Variants in CCDC191 observed in about 807,000 individuals in gnomAD.
CCDC191 encodes coiled-coil domain-containing protein 191.
In CCDC191, 99 loss-of-function variants were observed where a neutral mutation model predicts 114.0. That is an observed-to-expected ratio of 0.87 (90% CI 0.74 to 1.03). CCDC191 has a LOEUF of 1.03. Among genes scored for constraint, CCDC191 ranks in the 50% least tolerant of loss-of-function variants. The probability of loss-of-function intolerance (pLI) is 0.00; values close to 1 mark genes in which losing one functional copy is unlikely to be tolerated. For missense variants in CCDC191, 973 were observed against 1,087.0 expected (o/e 0.90, Z 1.47); for synonymous variants, 351 against 376.0 (o/e 0.93, Z 0.77).
chr3:114,004,924 G>A lies in CCDC191; in HGVS notation c.1869-178C>T, dbSNP rs1406891836. Among the ~76,000 whole-genome samples, 4 of 151,936 alleles carry A rather than the reference G, an allele frequency of 2.6e-5. No individual in the cohort carries two copies. In the East Asian group the frequency reaches 5.8e-4, roughly 22 times the overall value. ...TGAGGTATGGAAAGGTTGTGTGATC[G>A]GCATGAGTCTACACAGTGAGTCAGG... On this transcript the variant is annotated intron_variant, in intron 10 of 16. Coordinates refer to ENST00000295878, the MANE Select transcript of CCDC191 (RefSeq NM_020817.2).
intron 9 of CCDC191, among the ~76,000 whole-genome samples, chr3:114,006,616 AT>A (rs56051694): frequency 0.037 from 4,594 of 124,624 alleles, 127 homozygotes; most frequent in Admixed American, 0.05. Context: ...ATATATATAT[AT>A]AAATATATAT....
At chr3:114,004,056 G>C in intron 11 of CCDC191, 9 of 959,598 alleles carry the variant, frequency 9.4e-6, no homozygotes, top group Non-Finnish European at 1.1e-5. Flanking sequence ...ACTCCTTGAG[G>C]CCAGGAGTTT....
At chr3:114,015,602 C>G (rs976172759) in intron 8 of CCDC191, among the ~76,000 whole-genome samples, 1 of 152,014 alleles carries the variant, frequency 6.6e-6, no homozygotes, top group Admixed American at 6.6e-5. Flanking sequence ...AACCAACTTT[C>G]AAAAATGAAC....
At chr3:114,028,483 C>T (rs1453723973) in intron 7 of CCDC191, among the ~76,000 whole-genome samples, 1 of 151,836 alleles carries the variant, frequency 6.6e-6, no homozygotes, top group Non-Finnish European at 1.5e-5. Context: ...GATGGGGTTT[C>T]ACCGTGTTAG....
At chr3:113,994,864 G>C (rs1446040367) in intron 13 of CCDC191, among the ~76,000 whole-genome samples, 2 of 152,064 alleles carry the variant, frequency 1.3e-5, no homozygotes, top group Non-Finnish European at 2.9e-5. Flanking sequence ...TTACAGGTGT[G>C]AACACCTGAC....
At chr3:114,051,411 T>C (rs2076696639) in intron 2 of CCDC191, among the ~76,000 whole-genome samples, 1 of 152,194 alleles carries the variant, frequency 6.6e-6, no homozygotes, top group African/African-American at 2.4e-5. Flanking sequence ...TGGATCAATC[T>C]GATCTACCTA....
At chr3:113,997,748 G>A (rs62267062) in intron 13 of CCDC191, among the ~76,000 whole-genome samples, 10,683 of 152,114 alleles carry the variant, frequency 0.07, 419 homozygotes, top group Middle Eastern at 0.11. Flanking sequence ...AATGATGTTT[G>A]GGTCAATGAA....
chr3:113,995,628 T>C (rs1174922406), intron 13 of CCDC191, among the ~76,000 whole-genome samples: 2 of 152,234 alleles, frequency 1.3e-5, no homozygotes, highest in Non-Finnish European at 2.9e-5. Flanking sequence ...TTGTATCGCT[T>C]TGGGTATATA....
At chr3:114,002,023 A>T (rs1329949243) in intron 12 of CCDC191, among the ~76,000 whole-genome samples, 1 of 152,166 alleles carries the variant, frequency 6.6e-6, no homozygotes, top group African/African-American at 2.4e-5. Context: ...TAGGGGGAAA[A>T]AGGTTTTCTT....
intron 16 of CCDC191, among the ~76,000 whole-genome samples, chr3:113,975,566 TGTG>T (rs1941259736): frequency 6.6e-6 from 1 of 152,250 alleles, no homozygotes; most frequent in Non-Finnish European, 1.5e-5. Context: ...ATGAGCAAGA[TGTG>T]GTGCTTCCAC....
At chr3:114,042,121 A>G (rs1318163303) in intron 4 of CCDC191, among the ~76,000 whole-genome samples, 2 of 152,210 alleles carry the variant, frequency 1.3e-5, no homozygotes, top group African/African-American at 4.8e-5. Context: ...AAACAGTCCA[A>G]TGATATATGA....
intron 6 of CCDC191, among the ~76,000 whole-genome samples, chr3:114,032,302 A>G (rs1272299273): frequency 6.6e-6 from 1 of 152,196 alleles, no homozygotes; most frequent in Non-Finnish European, 1.5e-5. Flanking sequence ...CTTAAAAAGG[A>G]AAAGGACTTT....
chr3:114,051,876 A>G (rs1254611206), intron 2 of CCDC191, among the ~76,000 whole-genome samples: 1 of 152,226 alleles, frequency 6.6e-6, no homozygotes, highest in African/African-American at 2.4e-5. Context: ...AGCAGCAGGA[A>G]AAAAACAGTT....
chr3:114,020,195 TGTTTCAATTTGGG>T (rs1263184354), intron 7 of CCDC191, among the ~76,000 whole-genome samples: 1 of 152,186 alleles, frequency 6.6e-6, no homozygotes, highest in East Asian at 1.9e-4. Flanking sequence ...ACCATCACTG[TGTTTCAATTTGGG>T]GACTCTGCAC....
At chr3:114,021,327 T>C (rs552342707) in intron 7 of CCDC191, among the ~76,000 whole-genome samples, 13 of 152,112 alleles carry the variant, frequency 8.5e-5, no homozygotes, top group Non-Finnish European at 1.3e-4. Context: ...AGGCCTATAA[T>C]TCAGGTTCAC....
At chr3:113,982,489 A>T (rs1413006208) in intron 13 of CCDC191, among the ~76,000 whole-genome samples, 2 of 152,162 alleles carry the variant, frequency 1.3e-5, no homozygotes, top group African/African-American at 4.8e-5. Flanking sequence ...GATGGCACTT[A>T]TAGTGGGGAT....
chr3:113,991,754 CCTAGA>C (rs2075573998), intron 13 of CCDC191, among the ~76,000 whole-genome samples: 1 of 152,156 alleles, frequency 6.6e-6, no homozygotes, highest in South Asian at 2.1e-4. Context: ...AACCTGTTTA[CCTAGA>C]CTATTCCAAA....
chr3:114,024,658 C>T (rs1482938254), intron 7 of CCDC191, among the ~76,000 whole-genome samples: 1 of 151,454 alleles, frequency 6.6e-6, no homozygotes, highest in East Asian at 1.9e-4. Flanking sequence ...AATGAGAACA[C>T]AGGGACACAG....
In CCDC191 at chr3:114,046,587, TTAC is replaced by T; in HGVS notation, c.271+1_271+3del. 1 of 1,536,564 alleles carries T rather than the reference TTAC, an allele frequency of 6.5e-7. No individual in the cohort carries two copies. Among genetic ancestry groups the T allele is most frequent in the Non-Finnish European group, 9.0e-7 (1 of 1,109,668 alleles). The stretch of plus-strand genomic sequence containing the variant: ...ACATCGCAGCAGAAAATGCATTCTC[TTAC>T]CTTCTGCATAGATTTCATCATGATC... On this transcript the variant is annotated splice_donor_variant and splice_donor_region_variant and intron_variant, in intron 3 of 16. Transcript: ENST00000295878. LOFTEE classifies it high-confidence loss of function.
Sources: gnomAD v4.1 joint callset for allele counts (sites outside exome capture counted in the v4.1 genomes callset) on GRCh38, gnomAD v4.1.1 for gene constraint, MANE v1.5 for transcripts, NCBI Gene and HGNC (gene_info 2026-07-23, HGNC 2026-07-21) for gene names.